Variants in FAM118B observed in about 807,000 individuals in gnomAD.
FAM118B encodes protein FAM118B.
FAM118B carries 24 observed loss-of-function variants against 38.5 expected under a neutral mutation model. The ratio of observed to expected loss-of-function variants is 0.62; its 90% CI spans 0.45 to 0.88. The LOEUF is 0.88. Ranked by LOEUF, FAM118B falls within the 40% of genes least tolerant of loss-of-function variation. The probability of loss-of-function intolerance (pLI) is 0.00; values close to 1 mark genes in which losing one functional copy is unlikely to be tolerated. For synonymous variants in FAM118B, 138 were observed against 156.3 expected (o/e 0.88, Z 0.87); for missense variants, 334 against 420.0 (o/e 0.80, Z 1.79).
At chr11:126,239,190 G>A (rs1950322515) in intron 3 of FAM118B, among the ~76,000 whole-genome samples, 2 of 152,048 alleles carry the variant, frequency 1.3e-5, no homozygotes, top group African/African-American at 4.8e-5. Flanking sequence ...GCCTAGGCTT[G>A]TCTCAAACTC....
chr11:126,250,237 G>A lies in FAM118B; in HGVS notation c.340-269G>A, dbSNP rs148842862. On this transcript the variant is annotated intron_variant, in intron 4 of 8. Transcript: ENST00000533050. The surrounding 1 kb of genome is among the most constrained non-coding windows in gnomAD (Gnocchi z 5.1). ...CTCCCAAGTAGCTGGGACTACAGGC[G>A]CCTGTCACCACGCCCTGCTAATTTT... Among the ~76,000 whole-genome samples, 695 of 152,048 alleles carry A rather than the reference G, an allele frequency of 4.6e-3. 2 individuals are homozygous for A. The highest frequency in any genetic ancestry group is 0.02 in the Middle Eastern group (6 of 294).
intron 1 of FAM118B, among the ~76,000 whole-genome samples, chr11:126,227,375 T>G (rs1327687089): frequency 6.6e-6 from 1 of 152,188 alleles, no homozygotes; most frequent in African/African-American, 2.4e-5. Flanking sequence ...AGCTTATTCA[T>G]AAATCCTTCT....
At chr11:126,249,688 C>T (rs1392433880) in intron 4 of FAM118B, among the ~76,000 whole-genome samples, 1 of 142,192 alleles carries the variant, frequency 7.0e-6, no homozygotes, top group Non-Finnish European at 1.5e-5. Context: ...GCCGAGATCA[C>T]GCCACTGCAC....
intron 1 of FAM118B, among the ~76,000 whole-genome samples, chr11:126,215,396 G>A (rs932317856): frequency 2.6e-5 from 4 of 152,150 alleles, no homozygotes; most frequent in Admixed American, 2.0e-4. Flanking sequence ...AGTGGTGTTG[G>A]AATATACTTT....
chr11:126,243,044 G>A lies in FAM118B; in HGVS notation c.339+2000G>A, dbSNP rs534145816. 8.5e-5 allele frequency among the ~76,000 whole-genome samples: 13 copies of A among 152,294 alleles called. 1 individual carries two copies. Among genetic ancestry groups the A allele is most frequent in the Admixed American group, 3.9e-4 (6 of 15,296 alleles). On this transcript the variant is annotated intron_variant, in intron 4 of 8. Coordinates refer to ENST00000533050, the MANE Select transcript of FAM118B (RefSeq NM_024556.4). Reference sequence around the variant, plus strand: ...GGCCATTAAAAGGAATGAAGTGCTCGTCCCATACAACAACATGGATGAACC... The same window carrying A: ...GGCCATTAAAAGGAATGAAGTGCTCATCCCATACAACAACATGGATGAACC...
chr11:126,257,043 A>G (rs1245117528), intron 7 of FAM118B, among the ~76,000 whole-genome samples, 191 bp downstream of exon 7: 1 of 152,278 alleles, frequency 6.6e-6, no homozygotes, highest in African/African-American at 2.4e-5. Flanking sequence ...ACAAAAAGGA[A>G]TACTTGAGCA....
chr11:126,234,035 T>G (rs1950241264), intron 2 of FAM118B, among the ~76,000 whole-genome samples: 1 of 152,152 alleles, frequency 6.6e-6, no homozygotes, highest in Non-Finnish European at 1.5e-5. Context: ...TGAGCCAAGA[T>G]GGCGCCACTG....
rs1349496914 is a variant in FAM118B, at chr11:126,262,130, A to C, written c.1053A>C (p.Thr351=). 1 of 1,614,104 alleles carries C rather than the reference A, an allele frequency of 6.2e-7. No homozygotes were observed. The highest frequency in any genetic ancestry group is 1.1e-5 in the South Asian group (1 of 91,084). Residue 351 remains threonine, a synonymous_variant, in exon 9 of 9, where the codon ACA becomes ACC. Transcript: ENST00000533050. ...AAHSEIRGCS[T] ...TCTTTCTCCCTACAGGCTGTAGTAC[A>C]TGAGCGAGCTAGAGAAATCACCACC...
chr11:126,247,815 G>A (rs995753237), intron 4 of FAM118B, among the ~76,000 whole-genome samples: 10 of 148,222 alleles, frequency 6.7e-5, no homozygotes, highest in East Asian at 2.0e-4. Flanking sequence ...CTGAGACCAC[G>A]CCACTGCACT....
chr11:126,223,860 C>G (rs929848904), intron 1 of FAM118B, among the ~76,000 whole-genome samples: 1 of 152,198 alleles, frequency 6.6e-6, no homozygotes, highest in Non-Finnish European at 1.5e-5. Flanking sequence ...TTGAAGTTTT[C>G]TTCTGCCTGC....
At chr11:126,227,786 T>G (rs1391011594) in intron 1 of FAM118B, among the ~76,000 whole-genome samples, 1 of 152,190 alleles carries the variant, frequency 6.6e-6, no homozygotes, top group African/African-American at 2.4e-5. Flanking sequence ...GTAAAATTTT[T>G]TAATTTTCAA....
Position 126,256,972 on chromosome 11 carries a change from T to C in FAM118B, c.982+120T>C. The C allele has an allele frequency of 9.8e-7, 1 of 1,016,680 alleles. No individual in the cohort carries two copies. Among genetic ancestry groups the C allele is most frequent in the Non-Finnish European group, 1.4e-6 (1 of 691,406 alleles). 63.0% of individuals were successfully genotyped at this position (1,016,680 alleles called of 1,614,324 possible). On this transcript the variant is annotated intron_variant, in intron 7 of 8. Transcript: ENST00000533050. The surrounding 1 kb of genome is among the most constrained non-coding windows in gnomAD (Gnocchi z 6.6). The stretch of plus-strand genomic sequence containing the variant: ...TGAGGAATGTAATGACTGACCAAAT[T>C]GTAAAGGAGGCCACAGTCTTCAGGT...
chr11:126,256,585 T>G lies in FAM118B; in HGVS notation c.715T>G (p.Tyr239Asp), dbSNP rs188541078. 6.2e-7 allele frequency: 1 copy of G among 1,613,908 alleles called. No individual in the cohort carries two copies. Among genetic ancestry groups the G allele is most frequent in the Non-Finnish European group, 8.5e-7 (1 of 1,179,956 alleles). The change falls in exon 7 of 9, where the codon TAC (tyrosine) becomes GAC (aspartate). Residue 239 changes from tyrosine (Y) to aspartate (D), a missense_variant. Physicochemically the swap from Tyr to Asp is radical, Grantham distance 160. Coordinates refer to ENST00000533050, the MANE Select transcript of FAM118B (RefSeq NM_024556.4). This position sits in a 1 kb window ranked among gnomAD's most constrained non-coding sequence, Gnocchi z 6.6. ...TEVMREIQKL[Y>D]ENKSFLFLGC... ...CTTCCAGAGAGAAATTCAGAAACTC[T>G]ACGAAAACAAGTCATTTCTTTTCCT... is the stretch of plus-strand genomic sequence containing the variant.
In FAM118B at chr11:126,244,324, G is replaced by A. The variant is rs1950395112; in HGVS notation, c.339+3280G>A. Among the ~76,000 whole-genome samples, 1 of 152,184 alleles carries A rather than the reference G, an allele frequency of 6.6e-6. No individual in the cohort carries two copies. The highest frequency in any genetic ancestry group is 1.5e-5 in the Non-Finnish European group (1 of 68,024). Reference sequence around the variant, plus strand: ...CTCTGTTTGCAGATGTGATGATCTAGTCTATAGAAGATCCTAGGTTATCCT... The same window carrying A: ...CTCTGTTTGCAGATGTGATGATCTAATCTATAGAAGATCCTAGGTTATCCT... On this transcript the variant is annotated intron_variant, in intron 4 of 8. Coordinates refer to ENST00000533050, the MANE Select transcript of FAM118B (RefSeq NM_024556.4). This position sits in a 1 kb window ranked among gnomAD's most constrained non-coding sequence, Gnocchi z 4.5.
chr11:126,237,410 A>ATTTAT (rs1555052746), intron 3 of FAM118B, among the ~76,000 whole-genome samples: 2 of 144,814 alleles, frequency 1.4e-5, no homozygotes, highest in South Asian at 2.1e-4. Context: ...TTATTTATTT[A>ATTTAT]TTTTTTAAAT....
intron 1 of FAM118B, among the ~76,000 whole-genome samples, chr11:126,227,322 A>G (rs1036177657): frequency 2.0e-4 from 31 of 152,230 alleles, no homozygotes; most frequent in Admixed American, 1.8e-3. Flanking sequence ...TTGGCCTCCC[A>G]AAGTGCTGGG....
chr11:126,227,581 A>G (rs1335673575), intron 1 of FAM118B, among the ~76,000 whole-genome samples: 1 of 152,096 alleles, frequency 6.6e-6, no homozygotes, highest in East Asian at 1.9e-4. Context: ...TAAAACATTT[A>G]TTTTCCTTTT....
chr11:126,260,022 TTTTTA>T (rs1292437571), intron 7 of FAM118B, among the ~76,000 whole-genome samples: 13 of 152,028 alleles, frequency 8.6e-5, no homozygotes, highest in Non-Finnish European at 1.8e-4. Flanking sequence ...GCCAGCTTTA[TTTTTA>T]TTTTATTATT....
rs753494620 is a variant in FAM118B, at chr11:126,254,405, A to G, written c.668A>G (p.Gln223Arg). Residue 223 changes from glutamine to arginine, a missense_variant, in exon 6 of 9, where the codon CAG becomes CGG. Physicochemically the swap from Gln to Arg is conservative, Grantham distance 43. Coordinates refer to ENST00000533050, the MANE Select transcript of FAM118B (RefSeq NM_024556.4). Reference sequence around the variant, plus strand: ...ATTGTCCTTCATCCGGCTGGATATCAGAACGTGCTCAGGAACACTGAAGTC... The same window carrying G: ...ATTGTCCTTCATCCGGCTGGATATCGGAACGTGCTCAGGAACACTGAAGTC... ...SGIVLHPAGY[Q>R]NVLRNTEVMR... 6.2e-7 allele frequency: 1 copy of G among 1,614,250 alleles called. No individual in the cohort carries two copies. Among genetic ancestry groups the G allele is most frequent in the East Asian group, 2.2e-5 (1 of 44,894 alleles).
Sources: gnomAD v4.1 joint callset for allele counts (sites outside exome capture counted in the v4.1 genomes callset) on GRCh38, gnomAD v4.1.1 for gene constraint, Gnocchi (gnomAD v3.1) non-coding constraint, MANE v1.5 for transcripts, NCBI Gene and HGNC (gene_info 2026-07-23, HGNC 2026-07-21) for gene names.